Variants in RBPJ observed in about 807,000 individuals in gnomAD.
RBPJ encodes recombination signal binding protein for immunoglobulin kappa J region.
A neutral mutation model predicts 67.8 loss-of-function variants in RBPJ; 9 were observed. The observed-to-expected ratio is 0.13, with a 90% CI of 0.08 to 0.23. The LOEUF (loss-of-function observed/expected upper bound fraction) is 0.23. Among genes scored for constraint, RBPJ ranks in the 10% least tolerant of loss-of-function variants. The probability of loss-of-function intolerance (pLI) is 1.00; values close to 1 mark genes in which losing one functional copy is unlikely to be tolerated. For missense variants in RBPJ, 305 were observed against 595.6 expected (o/e 0.51, Z 5.08); for synonymous variants, 198 against 203.3 (o/e 0.97, Z 0.22).
At chr4:26,250,985 GT>G (rs1332309442) in intron 1 of RBPJ, among the ~76,000 whole-genome samples, 2 of 152,202 alleles carry the variant, frequency 1.3e-5, no homozygotes, top group Admixed American at 1.3e-4. Context: ...TTAAAGTGGA[GT>G]TTGAGGACAC....
chr4:26,246,854 C>T (rs930728716), intron 1 of RBPJ, among the ~76,000 whole-genome samples: 3 of 152,086 alleles, frequency 2.0e-5, no homozygotes, highest in African/African-American at 7.2e-5. Flanking sequence ...TCTTATCTTG[C>T]TGAGGGGCCG....
upstream of RBPJ, chr4:26,320,504 C>G: frequency 2.1e-6 from 1 of 477,612 alleles, no homozygotes; most frequent in Non-Finnish European, 3.7e-6. Context: ...GCCCAGGGAA[C>G]GTTTGAATGA....
In RBPJ at chr4:26,430,013, T is replaced by C. The variant is rs151051045; in HGVS notation, c.1004T>C (p.Leu335Pro). 110 of 1,614,012 alleles carry C rather than the reference T, an allele frequency of 6.8e-5. No individual in the cohort carries two copies. The highest frequency in any genetic ancestry group is 8.9e-5 in the Non-Finnish European group (105 of 1,180,004). ...TTTTATGAGGGAATGGGCCCTGTCC[T>C]TGCCCCAGTCACTCCTGTGCCTGTG... ...YTFYEGMGPV[L>P]APVTPVPVVE... Residue 335 changes from leucine to proline, a missense_variant, in exon 9 of 11, where the codon CTT becomes CCT. Around this residue, in one of 7 missense-constraint regions of RBPJ, gnomAD observed 16 missense variants for 17.1 expected, o/e 0.94. Coordinates refer to ENST00000355476, the MANE Select transcript of RBPJ (RefSeq NM_015874.6). The surrounding 1 kb of genome is among the most constrained non-coding windows in gnomAD (Gnocchi z 4.1).
chr4:26,427,563 A>C (rs1275727593), intron 7 of RBPJ, among the ~76,000 whole-genome samples: 2 of 152,204 alleles, frequency 1.3e-5, no homozygotes, highest in African/African-American at 4.8e-5. Flanking sequence ...TGTGGTCCTG[A>C]AAGCAAAATG....
chr4:26,374,892 A>C (rs1278503985), intron 1 of RBPJ, among the ~76,000 whole-genome samples: 2 of 152,186 alleles, frequency 1.3e-5, no homozygotes, highest in African/African-American at 4.8e-5. Context: ...AAAATCATGA[A>C]CATTATAATC....
chr4:26,217,169 T>A (rs1718748452), intron 1 of RBPJ, among the ~76,000 whole-genome samples: 1 of 152,168 alleles, frequency 6.6e-6, no homozygotes, highest in African/African-American at 2.4e-5. Context: ...GAGATTTAAT[T>A]ACTCACATTG....
intron 1 of RBPJ, among the ~76,000 whole-genome samples, chr4:26,375,928 A>T (rs181510052): frequency 6.6e-6 from 1 of 152,080 alleles, no homozygotes; most frequent in African/African-American, 2.4e-5. Context: ...ATATTCATAC[A>T]TATACTCCTC....
chr4:26,111,485 TG>T, the RBPJ span, among the ~76,000 whole-genome samples: 2 of 152,256 alleles, frequency 1.3e-5, no homozygotes, highest in Admixed American at 6.5e-5. Flanking sequence ...GGGCTAAAGC[TG>T]GCCAAACAAG....
At chr4:26,157,934 G>C in the RBPJ span, among the ~76,000 whole-genome samples, 2 of 152,142 alleles carry the variant, frequency 1.3e-5, no homozygotes, top group South Asian at 4.1e-4. Context: ...AGCCTCAATT[G>C]AGCTACCAGA....
upstream of RBPJ, among the ~76,000 whole-genome samples, chr4:26,314,943 G>A (rs1280294705): frequency 3.3e-5 from 5 of 151,622 alleles, no homozygotes; most frequent in Admixed American, 2.6e-4. Flanking sequence ...TCAAGAGTTT[G>A]AGAACATCCT....
At chr4:26,351,457 G>A (rs1215959947) in intron 1 of RBPJ, among the ~76,000 whole-genome samples, 3 of 152,102 alleles carry the variant, frequency 2.0e-5, no homozygotes, top group Non-Finnish European at 4.4e-5. Flanking sequence ...CTCAGCTCAC[G>A]GCAACCTCTG....
At chr4:26,177,567 G>T (rs1716838516) in intron 1 of RBPJ, among the ~76,000 whole-genome samples, 1 of 151,486 alleles carries the variant, frequency 6.6e-6, no homozygotes, top group South Asian at 2.1e-4. Flanking sequence ...ACAAAGGGGA[G>T]ACCCTGTCTC....
At chr4:26,138,280 G>T in the RBPJ span, among the ~76,000 whole-genome samples, 1 of 152,068 alleles carries the variant, frequency 6.6e-6, no homozygotes. Context: ...GCCTGAGTTG[G>T]GTTTTGTTAT....
chr4:26,147,466 C>T, the RBPJ span, among the ~76,000 whole-genome samples: 1 of 152,154 alleles, frequency 6.6e-6, no homozygotes, highest in Admixed American at 6.5e-5. Context: ...TCACCATTGC[C>T]GAATCAACTT....
chr4:26,117,987 T>G, the RBPJ span, among the ~76,000 whole-genome samples: 1 of 151,964 alleles, frequency 6.6e-6, no homozygotes, highest in Non-Finnish European at 1.5e-5. Context: ...TTGTGACATT[T>G]TAGATATATT....
At chr4:26,138,622 G>A in the RBPJ span, among the ~76,000 whole-genome samples, 1 of 152,206 alleles carries the variant, frequency 6.6e-6, no homozygotes, top group Non-Finnish European at 1.5e-5. Context: ...TCTGGAGTCT[G>A]AGTCTTTCCA....
At chr4:26,247,263 G>T (rs1193938586) in intron 1 of RBPJ, among the ~76,000 whole-genome samples, 2 of 151,724 alleles carry the variant, frequency 1.3e-5, no homozygotes, top group South Asian at 2.1e-4. Flanking sequence ...AACTTATAAA[G>T]AATTTTATTT....
chr4:26,129,650 G>T, the RBPJ span, among the ~76,000 whole-genome samples: 3 of 152,096 alleles, frequency 2.0e-5, no homozygotes, highest in Admixed American at 6.5e-5. Flanking sequence ...GTAAGACGGG[G>T]TTACCTATCA....
At chr4:26,256,138 TC>T (rs1165616271) in intron 1 of RBPJ, among the ~76,000 whole-genome samples, 1 of 152,178 alleles carries the variant, frequency 6.6e-6, no homozygotes, top group Non-Finnish European at 1.5e-5. Flanking sequence ...ATATATGGTC[TC>T]TAGACACTAA....
Sources: gnomAD v4.1 joint callset for allele counts (sites outside exome capture counted in the v4.1 genomes callset) on GRCh38, gnomAD v4.1.1 for gene constraint, gnomAD v4.1.1 regional missense constraint, Gnocchi (gnomAD v3.1) non-coding constraint, MANE v1.5 for transcripts, NCBI Gene and HGNC (gene_info 2026-07-23, HGNC 2026-07-21) for gene names.